Variants in RNF157 observed in about 807,000 individuals in gnomAD.
RNF157 encodes E3 ubiquitin ligase RNF157.
A neutral mutation model predicts 88.3 loss-of-function variants in RNF157; 55 were observed. The ratio of observed to expected loss-of-function variants is 0.62; its 90% CI spans 0.50 to 0.78. RNF157 has a LOEUF of 0.78. Ranked by LOEUF, RNF157 falls within the 30% of genes least tolerant of loss-of-function variation. The pLI is 0.00. For missense variants in RNF157, 788 were observed against 860.8 expected, an observed-to-expected ratio of 0.92 and a Z score of 1.06; for synonymous variants, 334 against 341.2, an observed-to-expected ratio of 0.98 and a Z score of 0.23.
At chr17:76,173,933 C>T (rs377715203) in intron 2 of RNF157, 143 bp from the exon 3 acceptor site, 45 of 692,462 alleles carry the variant, frequency 6.5e-5, no homozygotes, top group Admixed American at 4.8e-4. Flanking sequence ...ACTGAAACTC[C>T]GACATACTGA....
intron 1 of RNF157, among the ~76,000 whole-genome samples, chr17:76,214,082 T>C (rs2069847846): frequency 6.6e-6 from 1 of 152,222 alleles, no homozygotes; most frequent in South Asian, 2.1e-4. Context: ...CCCTGCTTTC[T>C]GGTTGGTTAG....
chr17:76,190,042 G>C (rs1011272692), intron 2 of RNF157, among the ~76,000 whole-genome samples: 2 of 152,182 alleles, frequency 1.3e-5, no homozygotes, highest in Non-Finnish European at 2.9e-5. Flanking sequence ...AGTGTTCACA[G>C]GGTGGTGTGG....
At chr17:76,217,617 A>G (rs1407588496) in intron 1 of RNF157, among the ~76,000 whole-genome samples, 1 of 152,108 alleles carries the variant, frequency 6.6e-6, no homozygotes, top group Non-Finnish European at 1.5e-5. Context: ...TTCTTAACAC[A>G]ATGAACTGTG....
intron 2 of RNF157, among the ~76,000 whole-genome samples, chr17:76,199,882 A>G (rs1300555023): frequency 1.3e-5 from 2 of 152,192 alleles, no homozygotes; most frequent in Non-Finnish European, 2.9e-5. Flanking sequence ...TTTTTGTAAG[A>G]ACATAAAAAC....
At chr17:76,216,755 A>C (rs2069896120) in intron 1 of RNF157, among the ~76,000 whole-genome samples, 1 of 150,440 alleles carries the variant, frequency 6.6e-6, no homozygotes, top group African/African-American at 2.4e-5. Flanking sequence ...GCTGGGTATG[A>C]TGGCCCAAGC....
At chr17:76,184,499 C>T (rs910250407) in intron 2 of RNF157, among the ~76,000 whole-genome samples, 3 of 152,280 alleles carry the variant, frequency 2.0e-5, no homozygotes, top group South Asian at 4.1e-4. Context: ...AGAGCAGCTT[C>T]GTATTTGCTT....
At chr17:76,156,436 AG>A (rs1446068867) in intron 13 of RNF157, 115 bp from the exon 14 acceptor site, 10 of 1,524,236 alleles carry the variant, frequency 6.6e-6, no homozygotes, top group South Asian at 3.7e-5. Flanking sequence ...CGACACTGGG[AG>A]GGACTGAGTG....
At chr17:76,214,073 C>G (rs922171184) in intron 1 of RNF157, among the ~76,000 whole-genome samples, 10 of 152,134 alleles carry the variant, frequency 6.6e-5, no homozygotes, top group African/African-American at 2.4e-4. Flanking sequence ...TTATGGGAAC[C>G]CTGCTTTCTG....
In RNF157 at chr17:76,165,534, G is replaced by A. The variant is rs1241395169; in HGVS notation, c.640C>T (p.His214Tyr). ...AAAGTACCCAGCAGTACATGGCAAT[G>A]GCCAAAATACTCTGAAAGAAACAAA... ...VVDEGDEYFG[H>Y]CHVLLGTFEK... Residue 214 changes from histidine (H) to tyrosine (Y), a missense_variant, in exon 7 of 19, where the codon CAT (histidine) becomes TAT (tyrosine). By Grantham distance (83) the His-to-Tyr change is moderately conservative. Transcript: ENST00000269391. 1.9e-6 allele frequency: 3 copies of A among 1,614,052 alleles called. No homozygotes were observed. The highest frequency in any genetic ancestry group is 2.5e-6 in the Non-Finnish European group (3 of 1,180,022).
rs1275008940 is a variant in RNF157, at chr17:76,239,462, C to T, written c.88+691G>A. On this transcript the variant is annotated intron_variant, in intron 1 of 18. Coordinates refer to ENST00000269391, the MANE Select transcript of RNF157 (RefSeq NM_052916.3). ...CCCACTCCAAAACCCAGGCTTGCCA[C>T]TACGCTAGCAAAGGGGCAATCCGAG... 2.6e-5 allele frequency among the ~76,000 whole-genome samples: 4 copies of T among 152,292 alleles called. No individual in the cohort carries two copies. In the East Asian group the frequency reaches 7.7e-4, roughly 29 times the overall value.
At position 76,164,802 on chromosome 17, in the gene RNF157, T is replaced by G; in HGVS notation, c.673-7A>C. 6.2e-7 allele frequency: 1 copy of G among 1,607,302 alleles called. No individual in the cohort carries two copies. The highest frequency in any genetic ancestry group is 8.5e-7 in the Non-Finnish European group (1 of 1,174,406). On this transcript the variant is annotated splice_region_variant and splice_polypyrimidine_tract_variant and intron_variant, in intron 7 of 18. Transcript: ENST00000269391. ...AGAAAGTTCCATCTGTGTGCTGGAATGAAAATATGAAAGTTATGACAAGGA... is the reference window on the plus strand; with the variant it reads ...AGAAAGTTCCATCTGTGTGCTGGAAGGAAAATATGAAAGTTATGACAAGGA...
At chr17:76,200,876 C>T (rs2069564238) in intron 2 of RNF157, among the ~76,000 whole-genome samples, 3 of 152,122 alleles carry the variant, frequency 2.0e-5, no homozygotes, top group Admixed American at 2.0e-4. Context: ...TGCATGTTGG[C>T]ACCAAGAGGA....
At chr17:76,199,084 T>C (rs1003451811) in intron 2 of RNF157, among the ~76,000 whole-genome samples, 1 of 152,166 alleles carries the variant, frequency 6.6e-6, no homozygotes, top group African/African-American at 2.4e-5. Context: ...ATGTAAATGA[T>C]TGAGGGAATA....
intron 9 of RNF157, 25 bp downstream of exon 9, chr17:76,162,527 A>C (rs745453541): frequency 1.9e-6 from 3 of 1,578,510 alleles, no homozygotes; most frequent in Admixed American, 1.7e-5. Flanking sequence ...GAAAGAGTAC[A>C]TTCAGAATTT....
At chr17:76,214,347 G>A (rs982038496) in intron 1 of RNF157, among the ~76,000 whole-genome samples, 1 of 152,150 alleles carries the variant, frequency 6.6e-6, no homozygotes, top group Non-Finnish European at 1.5e-5. Context: ...GTGTATAGGA[G>A]AAACTGAGTT....
intron 18 of RNF157, among the ~76,000 whole-genome samples, chr17:76,148,232 T>C (rs2068614815): frequency 6.6e-6 from 1 of 151,346 alleles, no homozygotes; most frequent in African/African-American, 2.4e-5. Context: ...TATTGGTATT[T>C]CCACTAAAAA....
At chr17:76,205,424 GC>G (rs2069664358) in intron 2 of RNF157, among the ~76,000 whole-genome samples, 1 of 152,068 alleles carries the variant, frequency 6.6e-6, no homozygotes, top group Non-Finnish European at 1.5e-5. Context: ...AAGCCGCCAT[GC>G]CGGGCACATT....
rs191905983 is a variant in RNF157, at chr17:76,189,504, C to T, written c.208-15714G>A. Among the ~76,000 whole-genome samples, 8 of 152,188 alleles carry T rather than the reference C, an allele frequency of 5.3e-5. No homozygotes were observed. In the East Asian group the frequency reaches 1.3e-3, roughly 26 times the overall value. On this transcript the variant is annotated intron_variant, in intron 2 of 18. Coordinates refer to ENST00000269391, the MANE Select transcript of RNF157 (RefSeq NM_052916.3). ...ATCAGTGAAATGAGCTCCATAACAG[C>T]GACCTCAAAAGTTGTGAGAGTAGAA...
chr17:76,238,786 G>A lies in RNF157; in HGVS notation c.88+1367C>T, dbSNP rs2070324245. ...TTGTCTATTAAAAAACAAAATCTAT[G>A]CCTTGGTTAGCGTTGATTTTATGTA... On this transcript the variant is annotated intron_variant, in intron 1 of 18. Coordinates refer to ENST00000269391, the MANE Select transcript of RNF157 (RefSeq NM_052916.3). Among the ~76,000 whole-genome samples, 6 of 152,162 alleles carry A rather than the reference G, an allele frequency of 3.9e-5. No individual in the cohort carries two copies. The South Asian group carries it at 1.2e-3, about 31-fold the overall frequency.
Sources: allele counts gnomAD v4.1 joint callset (sites outside exome capture counted in the v4.1 genomes callset), GRCh38; gene constraint gnomAD v4.1.1; transcripts MANE v1.5; gene names NCBI Gene and HGNC (gene_info 2026-07-23, HGNC 2026-07-21).